WDR49: variants seen among roughly 807,000 people sequenced by gnomAD.
WDR49 encodes the protein WD repeat domain 49.
In WDR49, 107 loss-of-function variants were observed where a neutral mutation model predicts 119.5. The observed-to-expected ratio is 0.90, with a 90% confidence interval of 0.77 to 1.05. The LOEUF (loss-of-function observed/expected upper bound fraction) is 1.05, where lower values mean the gene tolerates loss of function less well. Among genes scored for constraint, WDR49 ranks in the 50% least tolerant of loss-of-function variants. The probability of loss-of-function intolerance (pLI) is 0.00; values close to 1 mark genes in which losing one functional copy is unlikely to be tolerated. For missense variants in WDR49, 1,240 were observed against 1,220.5 expected, an observed-to-expected ratio of 1.02 and a Z score of -0.24; for synonymous variants, 425 against 418.8, an observed-to-expected ratio of 1.01 and a Z score of -0.18.
At chr3:167,632,793 T>C (rs898250604) in intron 2 of WDR49, among the ~76,000 whole-genome samples, 1 of 152,014 alleles carries the variant, frequency 6.6e-6, no homozygotes, top group African/African-American at 2.4e-5. Context: ...CATCCTACTA[T>C]ATATATCATA....
chr3:167,632,359 AC>A (rs1369362539), intron 2 of WDR49, among the ~76,000 whole-genome samples: 1 of 152,062 alleles, frequency 6.6e-6, no homozygotes, highest in African/African-American at 2.4e-5. Flanking sequence ...TGAACTACAT[AC>A]TTTTCTACAC....
chr3:167,559,846 A>C (rs552247347), intron 9 of WDR49, among the ~76,000 whole-genome samples: 26 of 152,298 alleles, frequency 1.7e-4, no homozygotes, highest in Admixed American at 3.3e-4. Flanking sequence ...TTTCATTCTA[A>C]ATAATTTATT....
At chr3:167,492,530 G>A (rs13088204) in intron 18 of WDR49, among the ~76,000 whole-genome samples, 22,164 of 151,916 alleles carry the variant, frequency 0.15, 2,027 homozygotes, top group African/African-American at 0.26. Context: ...ATAATACAGG[G>A]CATTACCAAT....
intron 7 of WDR49, among the ~76,000 whole-genome samples, chr3:167,584,064 C>T (rs1204968239): frequency 6.6e-6 from 1 of 151,842 alleles, no homozygotes; most frequent in Non-Finnish European, 1.5e-5. Context: ...AGTCAGAATC[C>T]CCTAAATGAA....
At chr3:167,572,953 G>C (rs1266356919) in intron 8 of WDR49, among the ~76,000 whole-genome samples, 1 of 152,156 alleles carries the variant, frequency 6.6e-6, no homozygotes, top group Non-Finnish European at 1.5e-5. Context: ...AAAAACTGCA[G>C]TTCAGGGTAC....
At position 167,547,728 on chromosome 3, in the gene WDR49, A is replaced by G. The variant is rs564430847; in HGVS notation, c.1823+6922T>C. Among the ~76,000 whole-genome samples, 3 of 151,762 alleles carry G rather than the reference A, an allele frequency of 2.0e-5. 1 individual carries two copies. The highest frequency in any genetic ancestry group is 1.3e-4 in the Admixed American group (2 of 15,206). ...ACCCAAGATATAAAAGGCTAATTAT[A>G]AAAAATGACACCAGTGAACAGTTTT... On this transcript the variant is annotated intron_variant, in intron 10 of 18. Coordinates refer to ENST00000682715, the MANE Select transcript of WDR49 (RefSeq NM_001366157.1).
intron 16 of WDR49, among the ~76,000 whole-genome samples, chr3:167,515,394 T>C (rs1449095640): frequency 3.3e-5 from 5 of 152,180 alleles, no homozygotes; most frequent in African/African-American, 1.2e-4. Flanking sequence ...AACCACATGA[T>C]TACCTCAATA....
intron 17 of WDR49, among the ~76,000 whole-genome samples, chr3:167,502,982 T>G (rs1051220982): frequency 1.8e-4 from 27 of 152,268 alleles, no homozygotes; most frequent in African/African-American, 6.3e-4. Context: ...AGAGCTAATA[T>G]CCAAGACAAC....
chr3:167,610,132 ACTC>A (rs1716274624), intron 5 of WDR49, among the ~76,000 whole-genome samples: 1 of 151,340 alleles, frequency 6.6e-6, no homozygotes, highest in East Asian at 2.0e-4. Context: ...ATGGGGAAAA[ACTC>A]CTCCTGCTTG....
chr3:167,545,311 G>T (rs1324964688), intron 10 of WDR49, among the ~76,000 whole-genome samples: 1 of 151,312 alleles, frequency 6.6e-6, no homozygotes, highest in Non-Finnish European at 1.5e-5. Context: ...ACTAAAACTA[G>T]ATATACCATT....
In WDR49 at chr3:167,555,915, G is replaced by A. The variant is rs139794266; in HGVS notation, c.1675-1117C>T. 6.4e-3 allele frequency among the ~76,000 whole-genome samples: 979 copies of A among 152,196 alleles called. 14 individuals are homozygous for A. Among genetic ancestry groups the A allele is most frequent in the African/African-American group, 0.022 (925 of 41,542 alleles). The stretch of plus-strand genomic sequence containing the variant: ...AGTCTACTACACACCTAGACTATAT[G>A]GTATAGCCTATTGCTCCTAGGCTAC... On this transcript the variant is annotated intron_variant, in intron 9 of 18. Coordinates refer to ENST00000682715, the MANE Select transcript of WDR49 (RefSeq NM_001366157.1).
chr3:167,569,104 G>C (rs1713777136), intron 8 of WDR49, among the ~76,000 whole-genome samples: 2 of 152,072 alleles, frequency 1.3e-5, no homozygotes, highest in Admixed American at 1.3e-4. Context: ...ACCACACCTG[G>C]CTAATTTTTT....
chr3:167,595,506 G>T (rs1715372931), intron 7 of WDR49, among the ~76,000 whole-genome samples: 1 of 152,152 alleles, frequency 6.6e-6, no homozygotes. Flanking sequence ...ACATGGTACT[G>T]GTACCAAAAC....
chr3:167,488,384 G>A (rs1751005482), intron 18 of WDR49, among the ~76,000 whole-genome samples: 1 of 151,928 alleles, frequency 6.6e-6, no homozygotes, highest in Non-Finnish European at 1.5e-5. Context: ...AGTCACTATG[G>A]ACTACTAGAA....
chr3:167,510,684 G>T (rs1751938877), intron 16 of WDR49, among the ~76,000 whole-genome samples: 1 of 152,042 alleles, frequency 6.6e-6, no homozygotes, highest in Admixed American at 6.6e-5. Flanking sequence ...GTTTGTATAA[G>T]CCAGAAGATA....
intron 6 of WDR49, among the ~76,000 whole-genome samples, chr3:167,602,778 A>T (rs993251600): frequency 2.0e-5 from 3 of 152,166 alleles, no homozygotes; most frequent in Non-Finnish European, 4.4e-5. Context: ...TTCAGCCAAC[A>T]ATATACAGCA....
chr3:167,582,851 G>A (rs1430664309), intron 7 of WDR49, among the ~76,000 whole-genome samples: 2 of 152,030 alleles, frequency 1.3e-5, no homozygotes, highest in Non-Finnish European at 2.9e-5. Context: ...GGGAGGCTGA[G>A]GCAGGAGAAT....
chr3:167,536,899 G>T lies in WDR49; in HGVS notation c.1925C>A (p.Ala642Glu), dbSNP rs540397701. Residue 642 changes from alanine (A) to glutamate (E), a missense_variant, in exon 11 of 19, where the codon GCG becomes GAG. Ala to Glu is a moderately radical substitution (Grantham distance 107). Coordinates refer to ENST00000682715, the MANE Select transcript of WDR49 (RefSeq NM_001366157.1). ...AACAAGAGTTTGTGGAGGTAAAAAC[G>T]CAGCACACAAGATGTCATCATGGTG... ...IQHHDDILCA[A>E]FLPPQTLVTG... is the part of the protein sequence containing the mutation. The T allele has an allele frequency of 6.6e-7, 1 of 1,516,642 alleles. No homozygotes were observed. Among genetic ancestry groups the T allele is most frequent in the Non-Finnish European group, 8.8e-7 (1 of 1,132,312 alleles). The allele number at this position is 1,516,642 out of a possible 1,614,324, so 93.9% of individuals were successfully genotyped here. A position where few individuals can be genotyped will look rare whatever the true frequency, so the allele number is the denominator to read the frequency against.
chr3:167,564,374 C>T (rs151018435), intron 8 of WDR49, among the ~76,000 whole-genome samples: 1 of 152,254 alleles, frequency 6.6e-6, no homozygotes, highest in African/African-American at 2.4e-5. Context: ...GGGGAAAGGG[C>T]GTTCAAAGTT....
Sources: allele counts gnomAD v4.1 joint callset (sites outside exome capture counted in the v4.1 genomes callset), GRCh38; gene constraint gnomAD v4.1.1; transcripts MANE v1.5; gene names NCBI Gene and HGNC (gene_info 2026-07-23, HGNC 2026-07-21).